LAMA2: variants seen among roughly 807,000 people sequenced by gnomAD.
LAMA2 encodes laminin subunit alpha 2.
Under a neutral mutation model 364.8 loss-of-function variants are expected in LAMA2, and 269 were observed. The observed-to-expected ratio is 0.74, with a 90% CI of 0.67 to 0.82. The LOEUF (loss-of-function observed/expected upper bound fraction) is 0.82. Among genes scored for constraint, LAMA2 ranks in the 40% least tolerant of loss-of-function variants. The pLI is 0.00. For synonymous variants in LAMA2, 1,379 were observed against 1,370.6 expected, an observed-to-expected ratio of 1.01 and a Z score of -0.14; for missense variants, 3,807 against 3,873.2, an observed-to-expected ratio of 0.98 and a Z score of 0.45.
intron 4 of LAMA2, among the ~76,000 whole-genome samples, chr6:129,119,301 T>C (rs1403670141): frequency 6.6e-6 from 1 of 152,182 alleles, no homozygotes; most frequent in Non-Finnish European, 1.5e-5. Context: ...AAATTTACTT[T>C]GTTTTTATTT....
At chr6:129,027,976 A>G (rs187018495) in intron 1 of LAMA2, among the ~76,000 whole-genome samples, 1 of 151,998 alleles carries the variant, frequency 6.6e-6, no homozygotes, top group Admixed American at 6.6e-5. Flanking sequence ...GAATGTGAGG[A>G]ATGGGGACTT....
intron 51 of LAMA2, among the ~76,000 whole-genome samples, chr6:129,468,597 T>G (rs1329358053): frequency 1.3e-5 from 2 of 151,834 alleles, no homozygotes; most frequent in African/African-American, 4.8e-5. Context: ...AGTTGAAAAA[T>G]GCAATCTCAA....
At position 128,906,560 on chromosome 6, in the gene LAMA2, G is replaced by A. The variant is rs1435630426; in HGVS notation, c.112+23203G>A. Among the ~76,000 whole-genome samples, 705 of 149,154 alleles carry A rather than the reference G, an allele frequency of 4.7e-3. 8 individuals carry two copies. The highest frequency in any genetic ancestry group is 0.016 in the African/African-American group (647 of 40,286). On this transcript the variant is annotated intron_variant, in intron 1 of 64. Transcript: ENST00000421865. ...GCCCTTTGTCAGATGAGTAGGTTGCGAAAATTTTCTCCCATTTTGTAGGTT... is the reference window on the plus strand; with the variant it reads ...GCCCTTTGTCAGATGAGTAGGTTGCAAAAATTTTCTCCCATTTTGTAGGTT...
chr6:128,968,808 A>G (rs549851377), intron 1 of LAMA2, among the ~76,000 whole-genome samples: 1 of 136,970 alleles, frequency 7.3e-6, no homozygotes, highest in African/African-American at 3.7e-5. Flanking sequence ...TGTACTGTGT[A>G]CGTAGGACCT....
chr6:129,251,192 T>C (rs949887205), intron 13 of LAMA2, among the ~76,000 whole-genome samples: 1 of 151,430 alleles, frequency 6.6e-6, no homozygotes, highest in Admixed American at 6.6e-5. Context: ...TTAGCATTCA[T>C]GTGAATGAAC....
intron 35 of LAMA2, among the ~76,000 whole-genome samples, chr6:129,388,149 C>T (rs1041245610): frequency 1.1e-4 from 17 of 151,496 alleles, no homozygotes; most frequent in Non-Finnish European, 2.1e-4. Context: ...TCCAGCTACT[C>T]GGGAGGCTGA....
rs1484216089 is a variant in LAMA2 at position 129,492,318 on chromosome 6, C to G, written c.8079C>G (p.Pro2693=). ...CTTATTTATTACATTCTATTAGCCC[C>G]ATGGACTTTGCAAGGCCTGTGTCCT... is the stretch of plus-strand genomic sequence containing the variant. ...CIWNLVINSV[P]MDFARPVSFK... is the part of the protein sequence containing the mutation. The change falls in exon 58 of 65, where the codon CCC becomes CCG. Residue 2693 remains proline (P), a synonymous_variant. Coordinates refer to ENST00000421865, the MANE Select transcript of LAMA2 (RefSeq NM_000426.4). 3 of 1,613,926 alleles carry G rather than the reference C, an allele frequency of 1.9e-6. No homozygotes were observed. The highest frequency in any genetic ancestry group is 2.5e-6 in the Non-Finnish European group (3 of 1,179,800).
intron 1 of LAMA2, among the ~76,000 whole-genome samples, chr6:128,898,124 C>T (rs1486213198): frequency 6.6e-6 from 1 of 152,150 alleles, no homozygotes; most frequent in Non-Finnish European, 1.5e-5. Context: ...CATTCAAAGA[C>T]TTTACAATCA....
intron 12 of LAMA2, among the ~76,000 whole-genome samples, chr6:129,207,902 A>G (rs1321875421): frequency 6.6e-6 from 1 of 152,184 alleles, no homozygotes; most frequent in African/African-American, 2.4e-5. Context: ...GAAGATATTT[A>G]CAGGCTTTAG....
chr6:129,415,026 T>A (rs978241547), intron 40 of LAMA2, among the ~76,000 whole-genome samples: 1 of 152,218 alleles, frequency 6.6e-6, no homozygotes. Context: ...TACATTACTG[T>A]GCTTAGATTC....
chr6:129,284,933 G>GTTA (rs1788994788), intron 18 of LAMA2, among the ~76,000 whole-genome samples: 1 of 152,084 alleles, frequency 6.6e-6, no homozygotes, highest in African/African-American at 2.4e-5. Flanking sequence ...CAATGCCTTT[G>GTTA]TTATGTCAAG....
At chr6:129,098,104 T>C in intron 3 of LAMA2, 69 bp from the exon 4 acceptor site, 1 of 1,487,936 alleles carries the variant, frequency 6.7e-7, no homozygotes, top group Non-Finnish European at 9.4e-7. Context: ...GCATTTAGAC[T>C]TATATTTGAC....
intron 4 of LAMA2, among the ~76,000 whole-genome samples, chr6:129,116,428 A>G (rs1469544450): frequency 6.6e-6 from 1 of 152,150 alleles, no homozygotes; most frequent in South Asian, 2.1e-4. Flanking sequence ...TCACCTTAAA[A>G]GATGAAATTT....
intron 62 of LAMA2, among the ~76,000 whole-genome samples, chr6:129,508,959 G>T (rs142511735): frequency 6.6e-6 from 1 of 152,056 alleles, no homozygotes; most frequent in East Asian, 1.9e-4. Context: ...ACTAGTTTAC[G>T]TTCCCACCAA....
chr6:129,314,458 G>A (rs952256735), intron 23 of LAMA2, among the ~76,000 whole-genome samples, 197 bp from the exon 24 acceptor site: 29 of 126,358 alleles, frequency 2.3e-4, no homozygotes, highest in African/African-American at 8.1e-4. Context: ...TAAAAATAAA[G>A]CATTTTTAAA....
chr6:128,996,995 A>T (rs1219513631), intron 1 of LAMA2, among the ~76,000 whole-genome samples: 1 of 152,170 alleles, frequency 6.6e-6, no homozygotes, highest in African/African-American at 2.4e-5. Context: ...ATGAAGCTGG[A>T]AACCATCATT....
chr6:129,310,705 T>C (rs1311580424), intron 22 of LAMA2, among the ~76,000 whole-genome samples: 1 of 151,914 alleles, frequency 6.6e-6, no homozygotes, highest in Non-Finnish European at 1.5e-5. Context: ...CGAGTACAGG[T>C]ACAGAAGAGC....
At chr6:129,059,202 C>T (rs12209961) in intron 2 of LAMA2, among the ~76,000 whole-genome samples, 11,317 of 152,158 alleles carry the variant, frequency 0.074, 572 homozygotes, top group Non-Finnish European at 0.11. Context: ...AATCAGCATA[C>T]CAGCATGCTA....
intron 12 of LAMA2, among the ~76,000 whole-genome samples, chr6:129,233,167 A>G (rs1161673357): frequency 1.3e-5 from 2 of 152,176 alleles, no homozygotes; most frequent in Admixed American, 1.3e-4. Flanking sequence ...CGCCTACAGA[A>G]CTGTATTCCA....
Sources: allele counts gnomAD v4.1 joint callset (sites outside exome capture counted in the v4.1 genomes callset), GRCh38; gene constraint gnomAD v4.1.1; transcripts MANE v1.5; gene names NCBI Gene and HGNC (gene_info 2026-07-23, HGNC 2026-07-21).